The following IL1RAPL2 variants were observed in gnomAD, a reference collection of about 807,000 sequenced individuals.
IL1RAPL2 encodes the protein interleukin 1 receptor accessory protein like 2, also known as X-linked interleukin-1 receptor accessory protein-like 2.
A neutral mutation model predicts 44.1 loss-of-function variants in IL1RAPL2; 3 were observed. That is an observed-to-expected ratio of 0.07 (90% CI 0.03 to 0.18). The LOEUF (loss-of-function observed/expected upper bound fraction) is 0.18. Ranked by LOEUF, IL1RAPL2 falls within the 10% of genes least tolerant of loss-of-function variation. The probability of loss-of-function intolerance (pLI) is 1.00; values close to 1 mark genes in which losing one functional copy is unlikely to be tolerated. For synonymous variants in IL1RAPL2, 181 were observed against 178.8 expected (o/e 1.01, Z -0.10); for missense variants, 391 against 496.4 (o/e 0.79, Z 2.02).
chrX:105,431,381 ACAC>A (rs1310506127), intron 5 of IL1RAPL2, among the ~76,000 whole-genome samples: 1 of 111,611 alleles, frequency 9.0e-6, no homozygotes, highest in East Asian at 2.8e-4. Flanking sequence ...AGAAACTCAA[ACAC>A]CAAAATGAAG....
At chrX:105,536,051 C>CT (rs973064805) in intron 6 of IL1RAPL2, among the ~76,000 whole-genome samples, 1 of 111,139 alleles carries the variant, frequency 9.0e-6, no homozygotes, top group East Asian at 2.8e-4. Flanking sequence ...ATATATAGTT[C>CT]TTTTTTTACA....
intron 6 of IL1RAPL2, among the ~76,000 whole-genome samples, chrX:105,658,553 A>T (rs2037693015): frequency 8.9e-6 from 1 of 111,799 alleles, no homozygotes; most frequent in Non-Finnish European, 1.9e-5. Context: ...GGATAGGCAC[A>T]GTGGCTCACA....
intron 2 of IL1RAPL2, among the ~76,000 whole-genome samples, chrX:104,735,648 A>G (rs1038585389): frequency 3.6e-5 from 4 of 111,702 alleles, no homozygotes; most frequent in Non-Finnish European, 7.5e-5. Context: ...ACTCAGTGCA[A>G]TAATGTGAAT....
At chrX:105,176,723 AAGG>A (rs1397702046) in intron 2 of IL1RAPL2, among the ~76,000 whole-genome samples, 1 of 110,545 alleles carries the variant, frequency 9.0e-6, no homozygotes, top group Non-Finnish European at 1.9e-5. Flanking sequence ...GGGGGCAAGC[AAGG>A]AGGAGTCCTC....
chrX:105,155,139 C>T (rs1230961027), intron 2 of IL1RAPL2, among the ~76,000 whole-genome samples: 4 of 111,568 alleles, frequency 3.6e-5, no homozygotes, highest in African/African-American at 6.5e-5. Context: ...TAACTAGTCT[C>T]CTGGCTTCCA....
intron 2 of IL1RAPL2, among the ~76,000 whole-genome samples, chrX:104,842,273 T>C (rs1921928042): frequency 9.1e-6 from 1 of 110,398 alleles, no homozygotes; most frequent in Non-Finnish European, 1.9e-5. Flanking sequence ...CTGGTTATTC[T>C]AGTTAGTAGT....
At chrX:105,519,655 G>T (rs1000710694) in intron 6 of IL1RAPL2, among the ~76,000 whole-genome samples, 2 of 111,245 alleles carry the variant, frequency 1.8e-5, no homozygotes, top group African/African-American at 6.5e-5. Flanking sequence ...GGACAGTTTG[G>T]GAAGAGTAAA....
intron 2 of IL1RAPL2, among the ~76,000 whole-genome samples, chrX:104,716,392 C>A (rs1378720320): frequency 9.0e-6 from 1 of 111,107 alleles, no homozygotes; most frequent in Non-Finnish European, 1.9e-5. Context: ...ATTGAAGACA[C>A]CAAAAGCAAT....
chrX:104,911,131 G>A (rs1038125405), intron 2 of IL1RAPL2, among the ~76,000 whole-genome samples: 3 of 111,519 alleles, frequency 2.7e-5, no homozygotes, highest in Admixed American at 1.9e-4. Flanking sequence ...TAAGCATATT[G>A]AATTGGTAAT....
chrX:105,381,108 T>C (rs1333793021), intron 5 of IL1RAPL2, among the ~76,000 whole-genome samples: 1 of 111,192 alleles, frequency 9.0e-6, no homozygotes, highest in African/African-American at 3.3e-5. Flanking sequence ...ATTCTAAGTA[T>C]TTTTGTATGG....
chrX:104,988,416 A>G (rs1569356544), intron 2 of IL1RAPL2, among the ~76,000 whole-genome samples: 1 of 112,374 alleles, frequency 8.9e-6, no homozygotes, highest in Non-Finnish European at 1.9e-5. Flanking sequence ...TGTAGTTTCT[A>G]TGCATCTTAA....
intron 1 of IL1RAPL2, among the ~76,000 whole-genome samples, chrX:104,616,554 C>T (rs1929283487): frequency 8.9e-6 from 1 of 111,971 alleles, no homozygotes; most frequent in Admixed American, 9.5e-5. Context: ...GTTTCTGACC[C>T]TTCCTAAACT....
intron 5 of IL1RAPL2, among the ~76,000 whole-genome samples, chrX:105,364,102 A>G (rs889117555): frequency 4.5e-5 from 5 of 111,209 alleles, no homozygotes; most frequent in African/African-American, 1.6e-4. Flanking sequence ...TTTGTTTATG[A>G]TGGAAGATAG....
At chrX:105,298,049 CT>C (rs1279857504) in intron 5 of IL1RAPL2, among the ~76,000 whole-genome samples, 1 of 109,571 alleles carries the variant, frequency 9.1e-6, no homozygotes, top group Non-Finnish European at 1.9e-5. Context: ...GTGTGTGTAT[CT>C]ACACACACAC....
chrX:104,595,721 C>G (rs1928751336), intron 1 of IL1RAPL2, among the ~76,000 whole-genome samples: 1 of 111,612 alleles, frequency 9.0e-6, no homozygotes. Context: ...TAAAAGGTAA[C>G]AACTTTTCAT....
intron 5 of IL1RAPL2, among the ~76,000 whole-genome samples, chrX:105,350,295 A>G (rs1167225593): frequency 1.8e-5 from 2 of 112,409 alleles, no homozygotes; most frequent in African/African-American, 6.5e-5. Flanking sequence ...CCTGAAGTAT[A>G]ATTCACCAGT....
chrX:105,008,626 T>C (rs1569360101), intron 2 of IL1RAPL2, among the ~76,000 whole-genome samples: 1 of 111,234 alleles, frequency 9.0e-6, no homozygotes. Flanking sequence ...GACTTACATG[T>C]TAGACCTAAA....
intron 4 of IL1RAPL2, among the ~76,000 whole-genome samples, chrX:105,248,211 C>G (rs1028024365): frequency 1.8e-5 from 2 of 111,105 alleles, no homozygotes; most frequent in Non-Finnish European, 3.8e-5. Context: ...TGGAAATGCT[C>G]TCTGTCACTA....
chrX:105,380,121 C>T (rs1255018868), intron 5 of IL1RAPL2, among the ~76,000 whole-genome samples: 2 of 111,992 alleles, frequency 1.8e-5, no homozygotes, highest in South Asian at 3.6e-4. Flanking sequence ...TATATCAACT[C>T]ATTTTGGTAA....
Sources: allele counts gnomAD v4.1 joint callset (sites outside exome capture counted in the v4.1 genomes callset), GRCh38; gene constraint gnomAD v4.1.1; transcripts MANE v1.5; gene names NCBI Gene and HGNC (gene_info 2026-07-23, HGNC 2026-07-21).